HAUS6: variants seen among roughly 807,000 people sequenced by gnomAD.
The protein encoded by HAUS6 is HAUS augmin like complex subunit 6.
Under a neutral mutation model 106.8 loss-of-function variants are expected in HAUS6, and 80 were observed. The ratio of observed to expected loss-of-function variants is 0.75; its 90% CI spans 0.63 to 0.90. HAUS6 has a LOEUF of 0.90. Among genes scored for constraint, HAUS6 ranks in the 40% least tolerant of loss-of-function variants. The probability of loss-of-function intolerance (pLI) is 0.00; values close to 1 mark genes in which losing one functional copy is unlikely to be tolerated. For synonymous variants in HAUS6, 356 were observed against 379.1 expected, an observed-to-expected ratio of 0.94 and a Z score of 0.71; for missense variants, 1,155 against 1,118.1, an observed-to-expected ratio of 1.03 and a Z score of -0.47.
intron 7 of HAUS6, among the ~76,000 whole-genome samples, chr9:19,086,507 C>G (rs983553838): frequency 6.6e-6 from 1 of 151,700 alleles, no homozygotes; most frequent in Admixed American, 6.6e-5. Flanking sequence ...GTAATCCCAG[C>G]TACTTAGGAG....
chr9:19,074,188 A>G lies in HAUS6; in HGVS notation c.1294+2414T>C, dbSNP rs1452647730. 3.3e-5 allele frequency among the ~76,000 whole-genome samples: 5 copies of G among 152,024 alleles called. No homozygotes were observed. The East Asian group carries it at 5.8e-4, about 18-fold the overall frequency. On this transcript the variant is annotated intron_variant, in intron 11 of 16. Transcript: ENST00000380502. The stretch of plus-strand genomic sequence containing the variant: ...CTTGAACCCGGGAGGCGAAGGTTGC[A>G]ATGAGCCGAGATCGCACCACTGCAC...
chr9:19,081,429 TTTTTAA>T (rs948360366), intron 8 of HAUS6, among the ~76,000 whole-genome samples: 5 of 152,072 alleles, frequency 3.3e-5, no homozygotes, highest in Admixed American at 6.6e-5. Context: ...AGTTGCCAAT[TTTTTAA>T]TTTTAATTTT....
chr9:19,086,095 T>C (rs1837288220), intron 7 of HAUS6, among the ~76,000 whole-genome samples: 1 of 151,468 alleles, frequency 6.6e-6, no homozygotes, highest in African/African-American at 2.4e-5. Context: ...GCAGATCACC[T>C]GAGGTCAGGA....
intron 10 of HAUS6, 133 bp from the exon 11 acceptor site, chr9:19,076,837 T>C: frequency 1.7e-6 from 1 of 589,186 alleles, no homozygotes; most frequent in Non-Finnish European, 3.0e-6. Flanking sequence ...ATCAGATAAC[T>C]ATTTTTATTT....
chr9:19,084,273 T>C (rs915918584), intron 7 of HAUS6, among the ~76,000 whole-genome samples: 1 of 152,176 alleles, frequency 6.6e-6, no homozygotes, highest in Non-Finnish European at 1.5e-5. Context: ...AAAGAATATA[T>C]TCTATATACT....
At chr9:19,063,493 G>C in intron 13 of HAUS6, 21 bp downstream of exon 13, 1 of 1,239,068 alleles carries the variant, frequency 8.1e-7, no homozygotes, top group Non-Finnish European at 1.2e-6. Context: ...AGAATTAATT[G>C]AGACTTATTT....
chr9:19,077,303 G>A (rs890461195), intron 10 of HAUS6, among the ~76,000 whole-genome samples: 6 of 152,218 alleles, frequency 3.9e-5, no homozygotes, highest in African/African-American at 1.4e-4. Flanking sequence ...GGGAGGCAGA[G>A]GCAGGTGGAT....
intron 12 of HAUS6, among the ~76,000 whole-genome samples, chr9:19,067,474 CT>C (rs1256895232): frequency 6.6e-6 from 1 of 152,148 alleles, no homozygotes; most frequent in Non-Finnish European, 1.5e-5. Flanking sequence ...CTTCCCCTAC[CT>C]CCCTTCAGTA....
intron 15 of HAUS6, 128 bp from the exon 16 acceptor site, chr9:19,059,129 G>A: frequency 1.6e-6 from 1 of 613,694 alleles, no homozygotes; most frequent in Non-Finnish European, 2.9e-6. Flanking sequence ...TATACTGGTT[G>A]GATGATAAGC....
intron 12 of HAUS6, among the ~76,000 whole-genome samples, chr9:19,069,164 A>G (rs1836831401): frequency 6.6e-6 from 1 of 152,204 alleles, no homozygotes; most frequent in Non-Finnish European, 1.5e-5. Context: ...TCTGAAAACT[A>G]TCTGGACAAG....
chr9:19,059,433 G>T (rs1836559056), intron 15 of HAUS6, among the ~76,000 whole-genome samples: 1 of 152,202 alleles, frequency 6.6e-6, no homozygotes, highest in Non-Finnish European at 1.5e-5. Flanking sequence ...AAATGAATAT[G>T]CTTATGTTCA....
At chr9:19,097,454 C>A (rs1375524117) in intron 1 of HAUS6, among the ~76,000 whole-genome samples, 1 of 152,168 alleles carries the variant, frequency 6.6e-6, no homozygotes, top group Non-Finnish European at 1.5e-5. Flanking sequence ...TGAACAGACA[C>A]TTCTCAAAAG....
intron 1 of HAUS6, among the ~76,000 whole-genome samples, chr9:19,099,501 G>A (rs200567369): frequency 2.0e-5 from 3 of 151,848 alleles, no homozygotes; most frequent in South Asian, 2.1e-4. Flanking sequence ...TCTCACTCTT[G>A]TTACCCAGGC....
At chr9:19,094,182 C>G (rs2131153016) in intron 3 of HAUS6, 135 bp downstream of exon 3, 1 of 531,114 alleles carries the variant, frequency 1.9e-6, no homozygotes, top group Non-Finnish European at 3.3e-6. Context: ...TCAAAGAAGA[C>G]TATTTTAACT....
intron 5 of HAUS6, among the ~76,000 whole-genome samples, chr9:19,088,241 C>T (rs1817668102): frequency 6.6e-6 from 1 of 151,536 alleles, no homozygotes; most frequent in South Asian, 2.1e-4. Context: ...ATGGCGAAAC[C>T]CCTTCTCTAC....
At chr9:19,095,273 A>G (rs558693993) in intron 2 of HAUS6, among the ~76,000 whole-genome samples, 1 of 152,254 alleles carries the variant, frequency 6.6e-6, no homozygotes, top group East Asian at 1.9e-4. Context: ...TTCCTTTCAC[A>G]GTCAGGCTTT....
At chr9:19,077,233 C>A (rs1837029605) in intron 10 of HAUS6, among the ~76,000 whole-genome samples, 1 of 152,140 alleles carries the variant, frequency 6.6e-6, no homozygotes, top group Non-Finnish European at 1.5e-5. Context: ...TACCTCACAT[C>A]AAGAGGAGTC....
chr9:19,089,762 C>T lies in HAUS6; in HGVS notation c.437-203G>A, dbSNP rs1248090492. On this transcript the variant is annotated intron_variant, in intron 4 of 16. Coordinates refer to ENST00000380502, the MANE Select transcript of HAUS6 (RefSeq NM_017645.5). ...TTTCAATATTAAGAAATTAAATTAA[C>T]ATCACGTAACTAACAACTCCCCAAA... 5 of 540,102 alleles carry T rather than the reference C, an allele frequency of 9.3e-6. No homozygotes were observed. The East Asian group carries it at 1.2e-4, about 13-fold the overall frequency. The allele number at this position is 540,102 out of a possible 1,614,324, so 33.5% of individuals were successfully genotyped here.
chr9:19,063,283 A>C, intron 13 of HAUS6, 90 bp from the exon 14 acceptor site: 1 of 858,340 alleles, frequency 1.2e-6, no homozygotes. Context: ...GTTATCATGA[A>C]CCTATAAAAG....
Sources: allele counts gnomAD v4.1 joint callset (sites outside exome capture counted in the v4.1 genomes callset), GRCh38; gene constraint gnomAD v4.1.1; transcripts MANE v1.5; gene names NCBI Gene and HGNC (gene_info 2026-07-23, HGNC 2026-07-21).